SAMD5: variants seen among roughly 807,000 people sequenced by gnomAD.
SAMD5 encodes sterile alpha motif domain-containing protein 5.
SAMD5 carries 13 observed loss-of-function variants against 11.3 expected under a neutral mutation model. The ratio of observed to expected loss-of-function variants is 1.15; its 90% confidence interval spans 0.75 to 1.83. SAMD5 has a LOEUF of 1.83. Among genes scored for constraint, SAMD5 ranks in the 40% most tolerant of loss-of-function variants. SAMD5 has a pLI of 0.00. For missense variants in SAMD5, 255 were observed against 239.1 expected (o/e 1.07, Z -0.44); for synonymous variants, 129 against 111.3 (o/e 1.16, Z -1.00).
At chr6:147,762,137 G>A in the SAMD5 span, among the ~76,000 whole-genome samples, 2 of 152,072 alleles carry the variant, frequency 1.3e-5, no homozygotes, top group South Asian at 4.2e-4. Context: ...AGAACTCATG[G>A]GTTCTATGAT....
At chr6:147,655,733 T>C (rs547319245) in intron 1 of SAMD5, among the ~76,000 whole-genome samples, 32 of 152,352 alleles carry the variant, frequency 2.1e-4, no homozygotes, top group African/African-American at 7.2e-4. Flanking sequence ...TGATTTTTCA[T>C]TGTAGTTTTC....
chr6:147,560,960 G>A (rs558610744), intron 1 of SAMD5, among the ~76,000 whole-genome samples: 1 of 152,154 alleles, frequency 6.6e-6, no homozygotes, highest in Non-Finnish European at 1.5e-5. Context: ...ATTGAGAGTG[G>A]TCTCAAAGTC....
At chr6:147,571,299 G>A (rs1789135651), downstream of SAMD5, among the ~76,000 whole-genome samples, 1 of 152,128 alleles carries the variant, frequency 6.6e-6, no homozygotes, top group Non-Finnish European at 1.5e-5. Flanking sequence ...AGAATAGGAT[G>A]GTTTATATCG....
chr6:147,843,489 T>A, the SAMD5 span, among the ~76,000 whole-genome samples: 4 of 152,154 alleles, frequency 2.6e-5, no homozygotes, highest in Non-Finnish European at 5.9e-5. Flanking sequence ...AATTTTTTTT[T>A]AAATCCAAAA....
downstream of SAMD5, among the ~76,000 whole-genome samples, chr6:147,739,052 G>A (rs1295359039): frequency 1.3e-5 from 2 of 152,064 alleles, no homozygotes; most frequent in Non-Finnish European, 2.9e-5. Context: ...TGGTTTCCTC[G>A]GGAGATCACC....
intron 1 of SAMD5, chr6:147,737,262 A>G (rs563758862): frequency 2.8e-6 from 3 of 1,090,442 alleles, no homozygotes; most frequent in Admixed American, 3.1e-5. Context: ...CTTTTTCACT[A>G]TGATTTCACT....
At chr6:147,729,868 T>G (rs772682611) in intron 1 of SAMD5, 19 of 455,378 alleles carry the variant, frequency 4.2e-5, no homozygotes, top group Non-Finnish European at 6.2e-5. Context: ...GTGGATCACC[T>G]GAGGTCAGGA....
chr6:147,915,836 T>C, the SAMD5 span, among the ~76,000 whole-genome samples: 1 of 152,128 alleles, frequency 6.6e-6, no homozygotes, highest in Non-Finnish European at 1.5e-5. Flanking sequence ...TGTGCCATGT[T>C]GGTGTGCTTC....
the SAMD5 span, among the ~76,000 whole-genome samples, chr6:147,862,643 T>C: frequency 6.6e-6 from 1 of 152,184 alleles, no homozygotes; most frequent in Non-Finnish European, 1.5e-5. Flanking sequence ...TATCAAATAG[T>C]GTAACAAATT....
intron 1 of SAMD5, among the ~76,000 whole-genome samples, chr6:147,518,638 G>A (rs655698): frequency 0.47 from 71,436 of 151,986 alleles, 19,501 homozygotes; most frequent in African/African-American, 0.77. Context: ...AACACTGTCC[G>A]GGGTGGAATA....
intron 1 of SAMD5, among the ~76,000 whole-genome samples, chr6:147,709,907 AT>A (rs1175205407): frequency 6.6e-6 from 1 of 152,086 alleles, no homozygotes. Context: ...CTAAAGCACA[AT>A]TGTGTCTTGC....
chr6:147,731,848 G>T (rs897291992), intron 1 of SAMD5, among the ~76,000 whole-genome samples: 18 of 152,136 alleles, frequency 1.2e-4, no homozygotes, highest in Middle Eastern at 3.4e-3. Context: ...TCTGTCAAAG[G>T]TGAGGAATTG....
rs376175733 is a variant in SAMD5, at chr6:147,512,294, CT to C, written c.459+2909del. Among the ~76,000 whole-genome samples the C allele has an allele frequency of 7.9e-5, 12 of 152,224 alleles. 1 individual carries two copies. The highest frequency in any genetic ancestry group is 2.6e-4 in the African/African-American group (11 of 41,542). On this transcript the variant is annotated intron_variant, in intron 1 of 1. Coordinates refer to ENST00000367474, the MANE Select transcript of SAMD5 (RefSeq NM_001030060.3). Reference sequence around the variant, plus strand: ...TTTTTGATGTGCATTTGGAATTCTGCTTGGTGGAGTGGGCTTTTCAGTCTCC... The same window carrying C: ...TTTTTGATGTGCATTTGGAATTCTGCTGGTGGAGTGGGCTTTTCAGTCTCC...
At chr6:147,694,667 A>G (rs960036260) in intron 1 of SAMD5, among the ~76,000 whole-genome samples, 4 of 152,154 alleles carry the variant, frequency 2.6e-5, no homozygotes, top group Non-Finnish European at 5.9e-5. Flanking sequence ...AAACAAAAAA[A>G]TTAGCCAGGC....
chr6:147,580,422 C>T lies in SAMD5; in HGVS notation c.162+71035C>T, dbSNP rs768386797. Among the ~76,000 whole-genome samples, 44 of 152,184 alleles carry T rather than the reference C, an allele frequency of 2.9e-4. 1 individual carries two copies. The highest frequency in any genetic ancestry group is 5.9e-4 in the Non-Finnish European group (40 of 68,030). On this transcript the variant is annotated intron_variant, in intron 1 of 1. Coordinates refer to the SAMD5 transcript ENST00000566741. ...TTGTAAATTCACCACTGGGCTTTTC[C>T]TCTCTCATTATATCCTACCTCTCTT...
At chr6:147,872,913 A>G in the SAMD5 span, among the ~76,000 whole-genome samples, 2 of 152,166 alleles carry the variant, frequency 1.3e-5, no homozygotes, top group East Asian at 1.9e-4. Flanking sequence ...AGTGTGTCCA[A>G]TTTTAAACAA....
the SAMD5 span, among the ~76,000 whole-genome samples, chr6:147,924,924 G>A: frequency 6.6e-6 from 1 of 152,006 alleles, no homozygotes. Flanking sequence ...TTGTGACCTT[G>A]AGGCATTGTG....
At chr6:147,865,273 T>G in the SAMD5 span, among the ~76,000 whole-genome samples, 1 of 151,440 alleles carries the variant, frequency 6.6e-6, no homozygotes, top group African/African-American at 2.4e-5. Flanking sequence ...TACATGTAGG[T>G]ATATAAGTGT....
intron 1 of SAMD5, among the ~76,000 whole-genome samples, chr6:147,544,120 C>G (rs1232110597): frequency 6.6e-6 from 1 of 152,054 alleles, no homozygotes; most frequent in Non-Finnish European, 1.5e-5. Context: ...GGACAACAGA[C>G]AAGTTAATGT....
Sources: allele counts gnomAD v4.1 joint callset (sites outside exome capture counted in the v4.1 genomes callset), GRCh38; gene constraint gnomAD v4.1.1; transcripts MANE v1.5; gene names NCBI Gene and HGNC (gene_info 2026-07-23, HGNC 2026-07-21).